ZHX3: variants seen among roughly 807,000 people sequenced by gnomAD.
The protein encoded by ZHX3 is zinc fingers and homeoboxes 3.
Under a neutral mutation model 64.5 loss-of-function variants are expected in ZHX3, and 20 were observed. That is an observed-to-expected ratio of 0.31 (90% confidence interval 0.22 to 0.45). ZHX3 has a LOEUF of 0.45. Among genes scored for constraint, ZHX3 ranks in the 20% least tolerant of loss-of-function variants. ZHX3 has a pLI of 1.00. For missense variants in ZHX3, 1,041 were observed against 1,195.8 expected (o/e 0.87, Z 1.91); for synonymous variants, 423 against 461.6 (o/e 0.92, Z 1.07).
chr20:41,236,523 G>A (rs1242374969), intron 2 of ZHX3, among the ~76,000 whole-genome samples: 1 of 152,174 alleles, frequency 6.6e-6, no homozygotes, highest in Non-Finnish European at 1.5e-5. Context: ...AATGGGGGAA[G>A]GATTCCCTAT....
chr20:41,191,560 T>C (rs2037022453), intron 3 of ZHX3, among the ~76,000 whole-genome samples: 1 of 152,222 alleles, frequency 6.6e-6, no homozygotes, highest in Admixed American at 6.5e-5. Flanking sequence ...TGAGGTGTCA[T>C]ATTTCCTTGC....
chr20:41,229,442 G>A (rs1005260231), intron 2 of ZHX3, among the ~76,000 whole-genome samples: 1 of 152,050 alleles, frequency 6.6e-6, no homozygotes, highest in Admixed American at 6.6e-5. Flanking sequence ...TTAATCACAT[G>A]GTGATTCTAT....
intron 3 of ZHX3, among the ~76,000 whole-genome samples, chr20:41,199,864 C>G (rs867100114): frequency 6.6e-6 from 1 of 152,110 alleles, no homozygotes; most frequent in Non-Finnish European, 1.5e-5. Flanking sequence ...ACATGCCTGG[C>G]TAATTTTTGT....
chr20:41,292,431 A>C (rs2075478755), intron 1 of ZHX3, among the ~76,000 whole-genome samples: 1 of 152,112 alleles, frequency 6.6e-6, no homozygotes, highest in Non-Finnish European at 1.5e-5. Flanking sequence ...TTTTTTTTTG[A>C]AATGACCAAA....
intron 1 of ZHX3, among the ~76,000 whole-genome samples, chr20:41,288,983 A>G (rs1175767793): frequency 6.6e-6 from 1 of 152,166 alleles, no homozygotes; most frequent in Non-Finnish European, 1.5e-5. Context: ...AATTAATGGA[A>G]TCTAACAAAT....
chr20:41,188,932 C>G (rs2036770229), intron 3 of ZHX3, among the ~76,000 whole-genome samples: 1 of 152,130 alleles, frequency 6.6e-6, no homozygotes, highest in African/African-American at 2.4e-5. Flanking sequence ...GACCAATGTC[C>G]TGAAGTGTTC....
rs567531037 is a variant in ZHX3, at chr20:41,196,208, C to T, written c.2860+5849G>A. On this transcript the variant is annotated intron_variant, in intron 3 of 3. Transcript: ENST00000683867. ...TATTAAAGTCTCCAACTATTTTTGTCTTTCTCCCTTTAATTCTGTCATTTC... is the reference window on the plus strand; with the variant it reads ...TATTAAAGTCTCCAACTATTTTTGTTTTTCTCCCTTTAATTCTGTCATTTC... 2.1e-5 allele frequency among the ~76,000 whole-genome samples: 3 copies of T among 141,780 alleles called. No homozygotes were observed. The East Asian group carries it at 6.0e-4, about 28-fold the overall frequency. The allele number at this position is 141,780 out of a possible 152,430, so 93.0% of individuals were successfully genotyped here.
chr20:41,236,250 T>C (rs989395910), intron 2 of ZHX3, among the ~76,000 whole-genome samples: 19 of 152,202 alleles, frequency 1.2e-4, no homozygotes, highest in African/African-American at 4.3e-4. Flanking sequence ...ATGACTTTCT[T>C]CACAGAATTG....
rs185711154 is a variant in ZHX3, at chr20:41,217,822, A to G, written c.-150-12756T>C. On this transcript the variant is annotated intron_variant, in intron 2 of 3. Transcript: ENST00000683867. Reference sequence around the variant, plus strand: ...GGTGATATGACCAGTCACACACGACATATTTTTGGCAGAGCCAGATATTCT... The same window carrying G: ...GGTGATATGACCAGTCACACACGACGTATTTTTGGCAGAGCCAGATATTCT... Among the ~76,000 whole-genome samples, 973 of 152,348 alleles carry G rather than the reference A, an allele frequency of 6.4e-3. 3 individuals are homozygous for G. The highest frequency in any genetic ancestry group is 0.027 in the Middle Eastern group (8 of 294).
chr20:41,252,246 G>C (rs1484763860), intron 2 of ZHX3, among the ~76,000 whole-genome samples: 1 of 152,178 alleles, frequency 6.6e-6, no homozygotes, highest in East Asian at 1.9e-4. Flanking sequence ...GAGGGGCTGG[G>C]AGTGGGAAAT....
chr20:41,284,296 A>G (rs2043830574), intron 1 of ZHX3, among the ~76,000 whole-genome samples: 1 of 152,106 alleles, frequency 6.6e-6, no homozygotes, highest in Non-Finnish European at 1.5e-5. Context: ...CTGATCTTCT[A>G]TTCTCCAATT....
At chr20:41,269,707 G>T (rs2043032067) in intron 1 of ZHX3, among the ~76,000 whole-genome samples, 1 of 152,082 alleles carries the variant, frequency 6.6e-6, no homozygotes, top group South Asian at 2.1e-4. Context: ...TTTCTTTCTT[G>T]AAGAATTATC....
intron 3 of ZHX3, among the ~76,000 whole-genome samples, chr20:41,193,329 T>C (rs564816363): frequency 5.2e-5 from 8 of 152,390 alleles, no homozygotes; most frequent in Non-Finnish European, 1.2e-4. Context: ...TTAATGTTTT[T>C]CAGCAACATT....
intron 2 of ZHX3, among the ~76,000 whole-genome samples, chr20:41,264,349 G>C: frequency 7.8e-6 from 1 of 128,928 alleles, no homozygotes; most frequent in Non-Finnish European, 1.5e-5. Context: ...AGACCAGCCT[G>C]ACCAACATGG....
At chr20:41,234,117 C>A (rs978204953) in intron 2 of ZHX3, among the ~76,000 whole-genome samples, 1 of 152,188 alleles carries the variant, frequency 6.6e-6, no homozygotes, top group Non-Finnish European at 1.5e-5. Context: ...CTTCTTGGTG[C>A]CCCCTCCCCA....
In ZHX3 at chr20:41,317,615, G is replaced by A. The variant is rs1169181002; in HGVS notation, c.-351C>T. ...CGGCCGGCGCAGGCCCCGCAGAGGCGGCGGCGGCGGCGACGCCGGAGCCGC... is the reference window on the plus strand; with the variant it reads ...CGGCCGGCGCAGGCCCCGCAGAGGCAGCGGCGGCGGCGACGCCGGAGCCGC... On this transcript the variant is annotated 5_prime_UTR_variant, in exon 1 of 4. Transcript: ENST00000683867. 4 of 148,556 alleles carry A rather than the reference G, an allele frequency of 2.7e-5. No homozygotes were observed. Among genetic ancestry groups the A allele is most frequent in the Admixed American group, 1.3e-4 (2 of 14,934 alleles). The allele number at this position is 148,556 out of a possible 1,614,324, so 9.2% of individuals were successfully genotyped here.
chr20:41,228,243 C>G lies in ZHX3; in HGVS notation c.-150-23177G>C, dbSNP rs887796890. On this transcript the variant is annotated intron_variant, in intron 2 of 3. Transcript: ENST00000683867. The surrounding 1 kb of genome is among the most constrained non-coding windows in gnomAD (Gnocchi z 4.6). ...CTACCAAGTTCCAAATCCATTACTT[C>G]CAACTGCCATTGATCCCTGCAGGTT... 7.2e-5 allele frequency among the ~76,000 whole-genome samples: 11 copies of G among 152,206 alleles called. No homozygotes were observed. Among genetic ancestry groups the G allele is most frequent in the African/African-American group, 2.7e-4 (11 of 41,462 alleles).
At position 41,278,557 on chromosome 20, in the gene ZHX3, A is replaced by G. The variant is rs1012665526; in HGVS notation, c.-244-9474T>C. ...AGCATTCTTTGCATCTTTTATTACTACTGAGGTTAAATCTTTTCATGTGAT... is the reference window on the plus strand; with the variant it reads ...AGCATTCTTTGCATCTTTTATTACTGCTGAGGTTAAATCTTTTCATGTGAT... On this transcript the variant is annotated intron_variant, in intron 1 of 3. Coordinates refer to ENST00000683867, the MANE Select transcript of ZHX3 (RefSeq NM_001384317.1). 7.1e-5 allele frequency among the ~76,000 whole-genome samples: 10 copies of G among 140,732 alleles called. 1 individual carries two copies. The East Asian group carries it at 1.7e-3, about 24-fold the overall frequency. 92.3% of individuals were successfully genotyped at this position (140,732 alleles called of 152,430 possible).
intron 1 of ZHX3, among the ~76,000 whole-genome samples, chr20:41,311,962 A>C (rs1420644078): frequency 6.6e-6 from 1 of 152,258 alleles, no homozygotes; most frequent in Non-Finnish European, 1.5e-5. Flanking sequence ...ATACAGGACA[A>C]GGCTGTCCCT....
Sources: allele counts gnomAD v4.1 joint callset (sites outside exome capture counted in the v4.1 genomes callset), GRCh38; gene constraint gnomAD v4.1.1; non-coding constraint Gnocchi (gnomAD v3.1); transcripts MANE v1.5; gene names NCBI Gene and HGNC (gene_info 2026-07-23, HGNC 2026-07-21).